FRRS1: variants seen among roughly 807,000 people sequenced by gnomAD.
FRRS1 encodes ferric reductase 1.
Under a neutral mutation model 70.7 loss-of-function variants are expected in FRRS1, and 51 were observed. The ratio of observed to expected loss-of-function variants is 0.72; its 90% CI spans 0.58 to 0.91. The LOEUF is 0.91. Among genes scored for constraint, FRRS1 ranks in the 40% least tolerant of loss-of-function variants. FRRS1 has a pLI of 0.00. For missense variants in FRRS1, 672 were observed against 726.0 expected (o/e 0.93, Z 0.86); for synonymous variants, 225 against 238.7 (o/e 0.94, Z 0.53).
At chr1:99,731,952 C>A (rs1655409454) in intron 7 of FRRS1, among the ~76,000 whole-genome samples, 1 of 152,170 alleles carries the variant, frequency 6.6e-6, no homozygotes, top group Non-Finnish European at 1.5e-5. Flanking sequence ...AGGTGTAAGC[C>A]ACCATGCTGG....
chr1:99,757,742 T>C (rs910780379), intron 1 of FRRS1, among the ~76,000 whole-genome samples: 2 of 152,204 alleles, frequency 1.3e-5, no homozygotes, highest in African/African-American at 4.8e-5. Context: ...TATTTTATTA[T>C]GAGAATTACA....
chr1:99,748,188 AGATTT>A (rs1656382449), intron 3 of FRRS1: 1 of 165,844 alleles, frequency 6.0e-6, no homozygotes, highest in Non-Finnish European at 1.3e-5. Flanking sequence ...ATGCTGTTAT[AGATTT>A]ATCTTTAATA....
intron 1 of FRRS1, among the ~76,000 whole-genome samples, chr1:99,759,108 C>T (rs974646676): frequency 5.3e-5 from 8 of 152,148 alleles, no homozygotes; most frequent in East Asian, 3.8e-4. Context: ...TGTCCTGTTC[C>T]CTCAGAAGCA....
At position 99,711,717 on chromosome 1, in the gene FRRS1, A is replaced by C. The variant is rs147690820; in HGVS notation, c.1480+388T>G. ...TTTGAAAACCACCCTGCCCTGGAAGATACAAGCCCCATGGAAAGGACCTGG... is the reference window on the plus strand; with the variant it reads ...TTTGAAAACCACCCTGCCCTGGAAGCTACAAGCCCCATGGAAAGGACCTGG... On this transcript the variant is annotated intron_variant, in intron 14 of 16. Coordinates refer to ENST00000646001, the MANE Select transcript of FRRS1 (RefSeq NM_001361041.2). Among the ~76,000 whole-genome samples the C allele has an allele frequency of 4.5e-3, 680 of 152,324 alleles. 3 individuals carry two copies. In the Middle Eastern group the frequency reaches 0.061, roughly 14 times the overall value.
rs1654036537 is a variant in FRRS1 at position 99,706,292 on chromosome 1, C to G, written c.*2736G>C. 6.6e-6 allele frequency among the ~76,000 whole-genome samples: 1 copy of G among 151,216 alleles called. No homozygotes were observed. The highest frequency in any genetic ancestry group is 6.6e-5 in the Admixed American group (1 of 15,188). ...GTGCACGGAGTTGGTGCCTGTAGTT[C>G]CAGCTACTCTGGAGGCTGCAGTGGG... On this transcript the variant is annotated 3_prime_UTR_variant, in exon 17 of 17. Coordinates refer to ENST00000646001, the MANE Select transcript of FRRS1 (RefSeq NM_001361041.2).
At chr1:99,737,377 T>C (rs1482642195) in intron 7 of FRRS1, among the ~76,000 whole-genome samples, 6 of 152,212 alleles carry the variant, frequency 3.9e-5, no homozygotes, top group Non-Finnish European at 8.8e-5. Context: ...CACTGATGAC[T>C]ACTAAAATAG....
intron 9 of FRRS1, among the ~76,000 whole-genome samples, chr1:99,728,223 T>G (rs1210205955): frequency 6.6e-6 from 1 of 152,186 alleles, no homozygotes; most frequent in Non-Finnish European, 1.5e-5. Context: ...TTATTAGGTA[T>G]TTATAGTTCT....
intron 1 of FRRS1, among the ~76,000 whole-genome samples, chr1:99,756,911 C>T (rs1199455489): frequency 6.6e-6 from 1 of 151,908 alleles, no homozygotes; most frequent in African/African-American, 2.4e-5. Context: ...CCAGTTACAC[C>T]CACTCTACAT....
chr1:99,732,831 T>C (rs114345306), intron 7 of FRRS1, among the ~76,000 whole-genome samples: 4,041 of 128,048 alleles, frequency 0.032, 187 homozygotes, highest in African/African-American at 0.12. Flanking sequence ...TTTGGAGGGA[T>C]ATTTTTGAGA....
chr1:99,712,352 C>A, intron 13 of FRRS1, 66 bp downstream of exon 13: 1 of 1,200,650 alleles, frequency 8.3e-7, no homozygotes, highest in Non-Finnish European at 1.2e-6. Flanking sequence ...CATTTGAAAA[C>A]AGATTAGTTT....
rs915700169 is a variant in FRRS1 at position 99,708,455 on chromosome 1, C to A, written c.*573G>T. 1.3e-5 allele frequency among the ~76,000 whole-genome samples: 2 copies of A among 150,242 alleles called. No homozygotes were observed. Among genetic ancestry groups the A allele is most frequent in the Non-Finnish European group, 3.0e-5 (2 of 67,408 alleles). On this transcript the variant is annotated 3_prime_UTR_variant, in exon 17 of 17. Coordinates refer to ENST00000646001, the MANE Select transcript of FRRS1 (RefSeq NM_001361041.2). ...ACTAAAAATATAAAAAAAATTAGCCCGGCATGGTGGCGGGCACCTGTAGTC... is the reference window on the plus strand; with the variant it reads ...ACTAAAAATATAAAAAAAATTAGCCAGGCATGGTGGCGGGCACCTGTAGTC...
Position 99,729,583 on chromosome 1 carries a change from G to T in FRRS1, c.858+67C>A, listed in dbSNP as rs1049837616. 25 of 972,206 alleles carry T rather than the reference G, an allele frequency of 2.6e-5. No homozygotes were observed. The African/African-American group carries it at 3.0e-4, about 12-fold the overall frequency. The allele number at this position is 972,206 out of a possible 1,614,324, so 60.2% of individuals were successfully genotyped here. A position where few individuals can be genotyped will look rare whatever the true frequency, so the allele number is the denominator to read the frequency against. On this transcript the variant is annotated intron_variant, in intron 8 of 16. Coordinates refer to ENST00000646001, the MANE Select transcript of FRRS1 (RefSeq NM_001361041.2). Reference sequence around the variant, plus strand: ...GGAGGCAATCTAGCAGCACAGCCACGCCAGTGATAGCCACACAGCCGGAAA... The same window carrying T: ...GGAGGCAATCTAGCAGCACAGCCACTCCAGTGATAGCCACACAGCCGGAAA...
chr1:99,709,643 A>C (rs546545480), intron 15 of FRRS1, among the ~76,000 whole-genome samples: 3 of 152,188 alleles, frequency 2.0e-5, no homozygotes, highest in Admixed American at 6.5e-5. Context: ...TATGATAACT[A>C]TCCAGGTTTT....
chr1:99,708,210 G>A lies in FRRS1; in HGVS notation c.*818C>T, dbSNP rs1320975261. On this transcript the variant is annotated 3_prime_UTR_variant, in exon 17 of 17. Coordinates refer to ENST00000646001, the MANE Select transcript of FRRS1 (RefSeq NM_001361041.2). ...AAGGATATGTCCAAAAAACTAAACT[G>A]AAAAACAGTTTCTAAATAAAGTCCA... Among the ~76,000 whole-genome samples, 3 of 152,102 alleles carry A rather than the reference G, an allele frequency of 2.0e-5. No individual in the cohort carries two copies. The highest frequency in any genetic ancestry group is 7.2e-5 in the African/African-American group (3 of 41,416).
At position 99,747,523 on chromosome 1, in the gene FRRS1, A is replaced by G. The variant is rs1656340695; in HGVS notation, c.197-93T>C. 7 of 1,179,434 alleles carry G rather than the reference A, an allele frequency of 5.9e-6. No individual in the cohort carries two copies. The Admixed American group carries it at 9.7e-5, about 16-fold the overall frequency. 73.1% of individuals were successfully genotyped at this position (1,179,434 alleles called of 1,614,324 possible). On this transcript the variant is annotated intron_variant, in intron 3 of 16. Transcript: ENST00000646001. ...ACATTACAATTACAATGAGGTCTAC[A>G]TATGCAAAAGTACTCCTGGAGAGAA...
chr1:99,717,347 T>G, intron 11 of FRRS1, 63 bp downstream of exon 11: 1 of 1,052,070 alleles, frequency 9.5e-7, no homozygotes, highest in African/African-American at 1.6e-5. Context: ...ATACTTCATA[T>G]GTTTTCATGT....
intron 7 of FRRS1, among the ~76,000 whole-genome samples, chr1:99,734,404 A>T (rs975511749): frequency 6.6e-6 from 1 of 152,228 alleles, no homozygotes; most frequent in East Asian, 1.9e-4. Flanking sequence ...ACTTTCAAAT[A>T]ATTCAAGAAA....
At position 99,704,988 on chromosome 1, in the gene FRRS1, A is replaced by T. The variant is rs961970662; in HGVS notation, c.*4040T>A. Among the ~76,000 whole-genome samples the T allele has an allele frequency of 6.6e-6, 1 of 152,206 alleles. No individual in the cohort carries two copies. Among genetic ancestry groups the T allele is most frequent in the African/African-American group, 2.4e-5 (1 of 41,460 alleles). On this transcript the variant is annotated 3_prime_UTR_variant, in exon 17 of 17. Transcript: ENST00000646001. The stretch of plus-strand genomic sequence containing the variant: ...CCGATTCTCCTGGTACACCAAGGCA[A>T]GAACCCAGGGATACAGAAAGCCCTC...
At chr1:99,738,576 A>G (rs2100961176) in intron 6 of FRRS1, among the ~76,000 whole-genome samples, 1 of 152,300 alleles carries the variant, frequency 6.6e-6, no homozygotes, top group South Asian at 2.1e-4. Context: ...CACATTAAGT[A>G]AGTTTTGGAG....
Sources: allele counts gnomAD v4.1 joint callset (sites outside exome capture counted in the v4.1 genomes callset), GRCh38; gene constraint gnomAD v4.1.1; transcripts MANE v1.5; gene names NCBI Gene and HGNC (gene_info 2026-07-23, HGNC 2026-07-21).